The following SYN3 variants were observed in gnomAD, a reference collection of about 807,000 sequenced individuals.
The protein encoded by SYN3 is synapsin-3.
Under a neutral mutation model 65.8 loss-of-function variants are expected in SYN3, and 35 were observed. The observed-to-expected ratio is 0.53, with a 90% CI of 0.41 to 0.70. The LOEUF is 0.70. SYN3 is among the 30% of genes least tolerant of loss of function. The probability of loss-of-function intolerance (pLI) is 0.00; values close to 1 mark genes in which losing one functional copy is unlikely to be tolerated. For missense variants in SYN3, 680 were observed against 749.0 expected, an observed-to-expected ratio of 0.91 and a Z score of 1.08; for synonymous variants, 270 against 292.9, an observed-to-expected ratio of 0.92 and a Z score of 0.80.
At chr22:32,683,467 C>A (rs907202862) in intron 6 of SYN3, among the ~76,000 whole-genome samples, 1 of 152,032 alleles carries the variant, frequency 6.6e-6, no homozygotes, top group Non-Finnish European at 1.5e-5. Flanking sequence ...CTTCACAGAT[C>A]GGGTGGTTTA....
chr22:32,812,738 C>T (rs2046948403), intron 6 of SYN3, among the ~76,000 whole-genome samples: 2 of 152,156 alleles, frequency 1.3e-5, no homozygotes, highest in Admixed American at 1.3e-4. Flanking sequence ...CTGATGGAAC[C>T]TTTGTTTAAG....
chr22:32,736,735 G>T (rs1001115680), intron 6 of SYN3, among the ~76,000 whole-genome samples: 1 of 152,100 alleles, frequency 6.6e-6, no homozygotes, highest in Non-Finnish European at 1.5e-5. Context: ...GAGAAACAGA[G>T]ACAGGAATGG....
intron 4 of SYN3, among the ~76,000 whole-genome samples, chr22:32,905,646 G>C (rs2049881861): frequency 6.6e-6 from 1 of 152,232 alleles, no homozygotes; most frequent in Non-Finnish European, 1.5e-5. Context: ...CACATGGTCA[G>C]TAAGTCACTT....
At chr22:32,714,953 G>A (rs1390413297) in intron 6 of SYN3, among the ~76,000 whole-genome samples, 2 of 152,114 alleles carry the variant, frequency 1.3e-5, no homozygotes, top group African/African-American at 4.8e-5. Flanking sequence ...TATTTAGTTT[G>A]GGTATCTTTG....
chr22:32,773,509 G>A (rs9609626), intron 6 of SYN3, among the ~76,000 whole-genome samples: 2 of 151,622 alleles, frequency 1.3e-5, no homozygotes, highest in African/African-American at 2.4e-5. Flanking sequence ...GAGACGGCCA[G>A]ATCCTCCTCT....
chr22:32,943,365 G>T (rs2050999854), intron 3 of SYN3, among the ~76,000 whole-genome samples: 1 of 152,126 alleles, frequency 6.6e-6, no homozygotes, highest in Non-Finnish European at 1.5e-5. Flanking sequence ...AAGTGAAGGA[G>T]AAATAAAATA....
intron 6 of SYN3, chr22:32,861,075 C>T (rs1262216253): frequency 6.6e-6 from 1 of 151,670 alleles, no homozygotes; most frequent in Non-Finnish European, 1.5e-5. Context: ...TGATTGCTCT[C>T]TGTCTCTTTT....
intron 7 of SYN3, among the ~76,000 whole-genome samples, chr22:32,545,199 A>G (rs1427611764): frequency 6.6e-6 from 1 of 152,206 alleles, no homozygotes; most frequent in South Asian, 2.1e-4. Flanking sequence ...GATCAGTAAG[A>G]TGGAAGAAGT....
intron 3 of SYN3, among the ~76,000 whole-genome samples, chr22:32,951,582 A>G (rs1030997787): frequency 1.3e-5 from 2 of 152,156 alleles, no homozygotes; most frequent in African/African-American, 4.8e-5. Context: ...ATATCACTCA[A>G]TGAACCAATG....
At chr22:32,924,123 T>C (rs976314245) in intron 4 of SYN3, among the ~76,000 whole-genome samples, 2 of 152,254 alleles carry the variant, frequency 1.3e-5, no homozygotes, top group African/African-American at 4.8e-5. Flanking sequence ...GTCTTTGCTA[T>C]TGTGACTAGT....
At chr22:32,845,204 CT>C (rs796510322) in intron 6 of SYN3, among the ~76,000 whole-genome samples, 329 of 148,270 alleles carry the variant, frequency 2.2e-3, no homozygotes, top group African/African-American at 6.7e-3. Flanking sequence ...TAGCCATAAA[CT>C]TTTTTTTTTT....
intron 6 of SYN3, chr22:32,861,098 G>C (rs2048523499): frequency 6.6e-6 from 1 of 151,468 alleles, no homozygotes; most frequent in Middle Eastern, 3.4e-3. Flanking sequence ...CAGCTTATGG[G>C]TATTTATCTT....
chr22:32,644,526 C>T (rs79759087), intron 6 of SYN3, among the ~76,000 whole-genome samples: 5 of 152,300 alleles, frequency 3.3e-5, no homozygotes, highest in East Asian at 3.9e-4. Context: ...CCCAAATAAA[C>T]GCCTTCCAGC....
intron 1 of SYN3, among the ~76,000 whole-genome samples, chr22:33,057,365 T>C (rs1213105448): frequency 6.6e-6 from 1 of 152,292 alleles, no homozygotes; most frequent in East Asian, 1.9e-4. Context: ...CCGGTCCTAC[T>C]CCATTATCTG....
intron 7 of SYN3, among the ~76,000 whole-genome samples, chr22:32,582,442 C>T (rs2058962872): frequency 6.6e-6 from 1 of 151,744 alleles, no homozygotes; most frequent in Non-Finnish European, 1.5e-5. Context: ...CTCGACTTCC[C>T]AGGCTCTAGT....
At chr22:32,887,862 G>A (rs1481742468) in intron 4 of SYN3, among the ~76,000 whole-genome samples, 1 of 152,096 alleles carries the variant, frequency 6.6e-6, no homozygotes, top group East Asian at 1.9e-4. Context: ...CTTGGGGAAA[G>A]GTCTAGAGGA....
At chr22:32,919,837 C>CT (rs2050288997) in intron 4 of SYN3, among the ~76,000 whole-genome samples, 1 of 152,168 alleles carries the variant, frequency 6.6e-6, no homozygotes, top group Non-Finnish European at 1.5e-5. Flanking sequence ...AAAAGCCACC[C>CT]TTCTCTCTTC....
chr22:32,831,481 A>G (rs1400698008), intron 6 of SYN3, among the ~76,000 whole-genome samples: 15 of 152,194 alleles, frequency 9.9e-5, no homozygotes. Context: ...ATGGCTGTGC[A>G]CATCTCCACT....
chr22:33,008,071 G>A (rs899400662), intron 1 of SYN3, among the ~76,000 whole-genome samples: 1 of 152,008 alleles, frequency 6.6e-6, no homozygotes, highest in Admixed American at 6.6e-5. Context: ...AAAGTAGCTG[G>A]GATTACAGGC....
Sources: gnomAD v4.1 joint callset for allele counts (sites outside exome capture counted in the v4.1 genomes callset) on GRCh38, gnomAD v4.1.1 for gene constraint, MANE v1.5 for transcripts, NCBI Gene and HGNC (gene_info 2026-07-23, HGNC 2026-07-21) for gene names.